Variants in CREBBP observed in about 807,000 individuals in gnomAD.
CREBBP encodes CREB-binding protein.
CREBBP carries 19 observed loss-of-function variants against 265.0 expected under a neutral mutation model. The observed-to-expected ratio is 0.07, with a 90% CI of 0.05 to 0.11. The LOEUF (loss-of-function observed/expected upper bound fraction) is 0.11, where lower values mean the gene tolerates loss of function less well. CREBBP is among the 10% of genes least tolerant of loss of function. The pLI, the probability that CREBBP is intolerant of heterozygous loss-of-function variation, is 1.00. For missense variants in CREBBP, 2,525 were observed against 3,219.0 expected (o/e 0.78, Z 5.22); for synonymous variants, 1,457 against 1,223.7 (o/e 1.19, Z -3.98).
intron 2 of CREBBP, among the ~76,000 whole-genome samples, chr16:3,848,581 A>G (rs188556578): frequency 3.3e-5 from 5 of 152,306 alleles, no homozygotes; most frequent in Admixed American, 2.6e-4. Flanking sequence ...TGTTAAAGAA[A>G]TCTCTTTGGG....
Position 3,731,593 on chromosome 16 carries a change from G to T in CREBBP, c.4891-120C>A. On this transcript the variant is annotated intron_variant, in intron 29 of 30. Transcript: ENST00000262367. The surrounding 1 kb of genome is among the most constrained non-coding windows in gnomAD (Gnocchi z 7.7). ...GCAGGTGGCTGAGCCTGATGGCCCT[G>T]ATGCCTTGGGATGGAACAAAATTGG... is the stretch of plus-strand genomic sequence containing the variant. 1 of 1,414,492 alleles carries T rather than the reference G, an allele frequency of 7.1e-7. No homozygotes were observed. Among genetic ancestry groups the T allele is most frequent in the East Asian group, 2.4e-5 (1 of 42,234 alleles). 87.6% of individuals were successfully genotyped at this position (1,414,492 alleles called of 1,614,324 possible).
chr16:3,766,995 C>T (rs2052869713), intron 16 of CREBBP, among the ~76,000 whole-genome samples: 1 of 152,206 alleles, frequency 6.6e-6, no homozygotes, highest in Non-Finnish European at 1.5e-5. Flanking sequence ...TCTAACATTT[C>T]TCTGCAATCT....
chr16:3,769,573 G>A (rs2052948157), intron 14 of CREBBP, among the ~76,000 whole-genome samples: 1 of 152,220 alleles, frequency 6.6e-6, no homozygotes, highest in African/African-American at 2.4e-5. Flanking sequence ...CACAAAGGCA[G>A]AGGAAACAGC....
At chr16:3,754,215 G>A (rs1237582153) in intron 19 of CREBBP, among the ~76,000 whole-genome samples, 1 of 152,182 alleles carries the variant, frequency 6.6e-6, no homozygotes, top group East Asian at 1.9e-4. Context: ...GGGAGGAAGA[G>A]GGGCCCGTGG....
chr16:3,849,489 G>GTGTGTGTGTGTGTGT (rs2054779237), intron 2 of CREBBP, among the ~76,000 whole-genome samples: 5 of 115,080 alleles, frequency 4.3e-5, no homozygotes, highest in African/African-American at 1.0e-4. Context: ...GTGTGTGTGT[G>GTGTGTGTGTGTGTGT]ATGTGCGTGA....
chr16:3,852,262 G>A (rs1158106610), intron 1 of CREBBP, among the ~76,000 whole-genome samples: 4 of 133,328 alleles, frequency 3.0e-5, no homozygotes, highest in Non-Finnish European at 6.3e-5. Flanking sequence ...TCCGCCTCCC[G>A]GGTTCACGCC....
chr16:3,737,725 A>T (rs1424311064), intron 26 of CREBBP, among the ~76,000 whole-genome samples: 1 of 150,026 alleles, frequency 6.7e-6, no homozygotes, highest in African/African-American at 2.5e-5. Flanking sequence ...TGGCCTCCCA[A>T]AGTACTAGGA....
Position 3,829,312 on chromosome 16 carries a change from C to T in CREBBP, c.799-18533G>A, listed in dbSNP as rs555556024. ...AGACGATTCAGAAGATGAGAGATAA[C>T]GTTTAAAGTGTGAAATACACAGTCA... is the stretch of plus-strand genomic sequence containing the variant. On this transcript the variant is annotated intron_variant, in intron 2 of 30. Transcript: ENST00000262367. Among the ~76,000 whole-genome samples the T allele has an allele frequency of 1.6e-4, 24 of 152,286 alleles. No homozygotes were observed. In the South Asian group the frequency reaches 1.7e-3, roughly 11 times the overall value.
rs2151340204 is a variant in CREBBP, at chr16:3,740,445, C to T, written c.4087G>A (p.Ala1363Thr). Residue 1363 changes from alanine to threonine, a missense_variant, in exon 24 of 31, where the codon GCC becomes ACC. Transcript: ENST00000262367. Reference protein sequence around the residue: ...EAGEVFVRVVASSDKTVEVKP... With the variant: ...EAGEVFVRVVTSSDKTVEVKP... ...ACCTCCACCGTCTTGTCTGAGCTGG[C>T]CACCACTCGGACAAAAACCTCCCCG... 1 of 1,614,146 alleles carries T rather than the reference C, an allele frequency of 6.2e-7. No homozygotes were observed. The highest frequency in any genetic ancestry group is 8.5e-7 in the Non-Finnish European group (1 of 1,180,030).
At chr16:3,775,266 G>T (rs1258511868) in intron 11 of CREBBP, among the ~76,000 whole-genome samples, 1 of 152,202 alleles carries the variant, frequency 6.6e-6, no homozygotes, top group Non-Finnish European at 1.5e-5. Flanking sequence ...TAAGCATTAA[G>T]AAGTGCCCAA....
chr16:3,749,173 CA>C (rs1034647513), intron 21 of CREBBP, among the ~76,000 whole-genome samples: 1 of 152,000 alleles, frequency 6.6e-6, no homozygotes, highest in African/African-American at 2.4e-5. Flanking sequence ...AAAACAACAA[CA>C]AAAAAAGTGC....
chr16:3,757,142 G>C (rs2052604878), intron 19 of CREBBP, 146 bp downstream of exon 19: 1 of 708,824 alleles, frequency 1.4e-6, no homozygotes, highest in African/African-American at 1.8e-5. Context: ...CCAAAGTGCT[G>C]GGATTACAGG....
chr16:3,812,641 CTGA>C (rs2141353211), intron 2 of CREBBP, among the ~76,000 whole-genome samples: 1 of 152,108 alleles, frequency 6.6e-6, no homozygotes, highest in East Asian at 1.9e-4. Flanking sequence ...GCCAAGTTCC[CTGA>C]TGACCCCCAG....
intron 1 of CREBBP, among the ~76,000 whole-genome samples, chr16:3,862,432 G>C (rs2055096011): frequency 6.6e-6 from 1 of 152,152 alleles, no homozygotes; most frequent in African/African-American, 2.4e-5. Context: ...CCAGGCTGGA[G>C]TGCAGTGACA....
In CREBBP at chr16:3,870,344, A is replaced by G. The variant is rs558265148; in HGVS notation, c.85+9488T>C. 2.6e-5 allele frequency among the ~76,000 whole-genome samples: 4 copies of G among 152,264 alleles called. No homozygotes were observed. In the South Asian group the frequency reaches 8.3e-4, roughly 32 times the overall value. The stretch of plus-strand genomic sequence containing the variant: ...TATTCCTTTCAACCAACCTGACTAA[A>G]CTGGACAGTGATCCCAAGGCCATTT... On this transcript the variant is annotated intron_variant, in intron 1 of 30. Coordinates refer to ENST00000262367, the MANE Select transcript of CREBBP (RefSeq NM_004380.3).
At chr16:3,821,800 C>T (rs552436891) in intron 2 of CREBBP, among the ~76,000 whole-genome samples, 2 of 152,276 alleles carry the variant, frequency 1.3e-5, no homozygotes, top group East Asian at 1.9e-4. Context: ...AAGGCCAAGG[C>T]GGGTGGATCA....
chr16:3,869,376 TG>T (rs2055245801), intron 1 of CREBBP, among the ~76,000 whole-genome samples: 1 of 152,220 alleles, frequency 6.6e-6, no homozygotes, highest in Non-Finnish European at 1.5e-5. Context: ...TCCTGAACAG[TG>T]TGACCTAAGC....
intron 3 of CREBBP, among the ~76,000 whole-genome samples, chr16:3,798,215 A>C (rs1434941948): frequency 1.3e-5 from 2 of 152,242 alleles, no homozygotes; most frequent in East Asian, 3.8e-4. Flanking sequence ...TAAGAGTGAC[A>C]ATCGTACCAT....
At chr16:3,839,017 A>T (rs1476168802) in intron 2 of CREBBP, among the ~76,000 whole-genome samples, 1 of 152,180 alleles carries the variant, frequency 6.6e-6, no homozygotes, top group African/African-American at 2.4e-5. Context: ...ATATACTAAG[A>T]ATGTTACATA....
Sources: gnomAD v4.1 joint callset for allele counts (sites outside exome capture counted in the v4.1 genomes callset) on GRCh38, gnomAD v4.1.1 for gene constraint, Gnocchi (gnomAD v3.1) non-coding constraint, MANE v1.5 for transcripts, NCBI Gene and HGNC (gene_info 2026-07-23, HGNC 2026-07-21) for gene names.